Variants in TCEA1 observed in about 807,000 individuals in gnomAD.
TCEA1 encodes transcription elongation factor A protein 1.
Under a neutral mutation model 43.8 loss-of-function variants are expected in TCEA1, and 21 were observed. The ratio of observed to expected loss-of-function variants is 0.48; its 90% CI spans 0.34 to 0.69. TCEA1 has a LOEUF of 0.69. Among genes scored for constraint, TCEA1 ranks in the 30% least tolerant of loss-of-function variants. TCEA1 has a pLI of 0.01. For synonymous variants in TCEA1, 104 were observed against 117.5 expected (o/e 0.88, Z 0.75); for missense variants, 250 against 365.1 (o/e 0.68, Z 2.57).
At chr8:54,001,807 T>C (rs1241433792) in intron 2 of TCEA1, among the ~76,000 whole-genome samples, 1 of 152,086 alleles carries the variant, frequency 6.6e-6, no homozygotes, top group African/African-American at 2.4e-5. Flanking sequence ...TATAGTTATC[T>C]TGTAATAAAC....
intron 4 of TCEA1, among the ~76,000 whole-genome samples, chr8:53,990,606 C>T (rs1008436846): frequency 1.1e-4 from 16 of 152,136 alleles, no homozygotes; most frequent in Non-Finnish European, 1.5e-4. Flanking sequence ...CAAGTGATCC[C>T]CCTACCTTGA....
intron 3 of TCEA1, among the ~76,000 whole-genome samples, chr8:53,994,344 CA>C (rs1195043058): frequency 6.6e-6 from 1 of 151,998 alleles, no homozygotes; most frequent in Non-Finnish European, 1.5e-5. Flanking sequence ...GACCTTTTCT[CA>C]AAATAAAGTC....
chr8:53,998,500 C>T (rs1440804319), intron 3 of TCEA1, among the ~76,000 whole-genome samples: 1 of 152,102 alleles, frequency 6.6e-6, no homozygotes, highest in Non-Finnish European at 1.5e-5. Context: ...GGGGAAGGGA[C>T]AGGATATATA....
intron 4 of TCEA1, among the ~76,000 whole-genome samples, chr8:53,992,527 T>C (rs1437856437): frequency 6.6e-6 from 1 of 152,074 alleles, no homozygotes; most frequent in Non-Finnish European, 1.5e-5. Flanking sequence ...GGAGAATTGC[T>C]TTGAACCTGG....
At position 53,984,490 on chromosome 8, in the gene TCEA1, T is replaced by C. The variant is rs1803622770; in HGVS notation, c.551A>G (p.Asp184Gly). ...TCGTACTCTATTTTTGTATTTCATG[T>C]CTGTATTCCTTATTTCTTGATATAT... is the stretch of plus-strand genomic sequence containing the variant. ...EAIYQEIRNTDMKYKNRVRSR... is the reference protein window; with the variant it reads ...EAIYQEIRNTGMKYKNRVRSR... Residue 184 changes from aspartate to glycine, a missense_variant, in exon 7 of 10, where the codon GAC becomes GGC. By Grantham distance (94) the Asp-to-Gly change is moderately conservative. Coordinates refer to ENST00000521604, the MANE Select transcript of TCEA1 (RefSeq NM_006756.4). 1.3e-6 allele frequency: 2 copies of C among 1,593,232 alleles called. No homozygotes were observed. The highest frequency in any genetic ancestry group is 1.7e-6 in the Non-Finnish European group (2 of 1,171,758).
At chr8:53,977,708 T>TA (rs34024116) in intron 8 of TCEA1, among the ~76,000 whole-genome samples, 3 of 152,056 alleles carry the variant, frequency 2.0e-5, no homozygotes, top group South Asian at 2.1e-4. Flanking sequence ...AAGACAGTGA[T>TA]AAAAAAAATT....
intron 7 of TCEA1, among the ~76,000 whole-genome samples, chr8:53,982,831 C>G (rs1335940367): frequency 6.6e-6 from 1 of 152,050 alleles, no homozygotes; most frequent in African/African-American, 2.4e-5. Flanking sequence ...GTTGAAATGA[C>G]AGCAAAGGAT....
At chr8:54,014,566 A>G (rs543801565) in intron 1 of TCEA1, among the ~76,000 whole-genome samples, 97 of 152,364 alleles carry the variant, frequency 6.4e-4, no homozygotes, top group African/African-American at 2.2e-3. Flanking sequence ...TTTAGTTCAC[A>G]CTACTGGCTG....
intron 3 of TCEA1, among the ~76,000 whole-genome samples, chr8:53,998,838 TG>T (rs1563496859): frequency 6.6e-6 from 1 of 152,060 alleles, no homozygotes; most frequent in Non-Finnish European, 1.5e-5. Context: ...ATTTCTGCCT[TG>T]GGGGGAAAAC....
At chr8:53,989,280 C>G (rs180991091) in intron 4 of TCEA1, among the ~76,000 whole-genome samples, 1 of 152,168 alleles carries the variant, frequency 6.6e-6, no homozygotes, top group Admixed American at 6.5e-5. Context: ...TAGCTTCTTA[C>G]GTTGGATTAT....
intron 8 of TCEA1, among the ~76,000 whole-genome samples, chr8:53,977,827 AG>A (rs1165068970): frequency 6.6e-6 from 1 of 152,242 alleles, no homozygotes; most frequent in Non-Finnish European, 1.5e-5. Flanking sequence ...TATTACAAAA[AG>A]GAACAAATTA....
At chr8:54,014,392 T>C (rs1342546340) in intron 1 of TCEA1, among the ~76,000 whole-genome samples, 1 of 152,088 alleles carries the variant, frequency 6.6e-6, no homozygotes, top group Non-Finnish European at 1.5e-5. Flanking sequence ...GGAGGATCAC[T>C]TGAGCCCAGG....
At chr8:53,993,010 T>C (rs1239325973) in intron 4 of TCEA1, among the ~76,000 whole-genome samples, 1 of 150,456 alleles carries the variant, frequency 6.6e-6, no homozygotes, top group African/African-American at 2.5e-5. Flanking sequence ...TGGAGTGCAG[T>C]GGCATGATCT....
In TCEA1 at chr8:53,984,420, C is replaced by T. The variant is rs1803619403; in HGVS notation, c.621G>A (p.Arg207=). 6.2e-7 allele frequency: 1 copy of T among 1,604,920 alleles called. No homozygotes were observed. The highest frequency in any genetic ancestry group is 2.2e-5 in the East Asian group (1 of 44,774). The change falls in exon 7 of 10, where the codon AGG becomes AGA. Residue 207 remains arginine (R), a synonymous_variant. Coordinates refer to ENST00000521604, the MANE Select transcript of TCEA1 (RefSeq NM_006756.4). Reference sequence around the variant, plus strand: ...GAATATTCCCACAGAGGACATTTTTCCTTAAATTTGGATTTTTTGCATCTT... The same window carrying T: ...GAATATTCCCACAGAGGACATTTTTTCTTAAATTTGGATTTTTTGCATCTT... ...NLKDAKNPNL[R]KNVLCGNIPP...
intron 2 of TCEA1, 53 bp downstream of exon 2, chr8:54,010,377 G>A: frequency 7.4e-7 from 1 of 1,350,540 alleles, no homozygotes; most frequent in Non-Finnish European, 1.0e-6. Context: ...AGATGTTTTG[G>A]TATTTTATGA....
At chr8:54,018,765 A>G (rs1468559266) in intron 1 of TCEA1, among the ~76,000 whole-genome samples, 1 of 152,224 alleles carries the variant, frequency 6.6e-6, no homozygotes, top group Non-Finnish European at 1.5e-5. Context: ...GGGTCAGGAT[A>G]TTGATCTAGG....
intron 1 of TCEA1, among the ~76,000 whole-genome samples, chr8:54,019,504 A>T (rs375906499): frequency 6.7e-6 from 1 of 150,032 alleles, no homozygotes; most frequent in Admixed American, 6.7e-5. Flanking sequence ...GGGGAGGCGG[A>T]GGTTGCAGTG....
Position 53,988,253 on chromosome 8 carries a change from GGAAGTACT to G in TCEA1, c.321-2_326del. 1 of 1,612,608 alleles carries G rather than the reference GGAAGTACT, an allele frequency of 6.2e-7. No homozygotes were observed. Among genetic ancestry groups the G allele is most frequent in the Non-Finnish European group, 8.5e-7 (1 of 1,179,268 alleles). On this transcript the variant is annotated splice_acceptor_variant and coding_sequence_variant, in exon 5 of 10. Coordinates refer to ENST00000521604, the MANE Select transcript of TCEA1 (RefSeq NM_006756.4). LOFTEE classifies it high-confidence loss of function. The stretch of plus-strand genomic sequence containing the variant: ...CCTTTCTGTTGCTTACATTGCCGCT[GGAAGTACT>G]GAAATACGCACAAACACCCCAAAAA...
At chr8:53,995,454 T>C (rs1313278954) in intron 3 of TCEA1, among the ~76,000 whole-genome samples, 1 of 152,008 alleles carries the variant, frequency 6.6e-6, no homozygotes, top group Non-Finnish European at 1.5e-5. Context: ...GTGATACCTG[T>C]CTCAAAAAAA....
Sources: allele counts gnomAD v4.1 joint callset (sites outside exome capture counted in the v4.1 genomes callset), GRCh38; gene constraint gnomAD v4.1.1; transcripts MANE v1.5; gene names NCBI Gene and HGNC (gene_info 2026-07-23, HGNC 2026-07-21).